SPCS3: variants seen among roughly 807,000 people sequenced by gnomAD.
SPCS3 encodes SPase 22 kDa subunit.
Under a neutral mutation model 17.2 loss-of-function variants are expected in SPCS3, and 9 were observed. That is an observed-to-expected ratio of 0.52 (90% CI 0.31 to 0.91). SPCS3 has a LOEUF of 0.91. SPCS3 is among the 40% of genes least tolerant of loss of function. The pLI is 0.04. For synonymous variants in SPCS3, 87 were observed against 89.6 expected (o/e 0.97, Z 0.16); for missense variants, 139 against 217.5 (o/e 0.64, Z 2.27).
intron 2 of SPCS3, among the ~76,000 whole-genome samples, chr4:176,322,770 A>G (rs1483612896): frequency 6.6e-6 from 1 of 152,150 alleles, no homozygotes; most frequent in Non-Finnish European, 1.5e-5. Context: ...AAGTCAGAAA[A>G]TATTAACAAT....
chr4:176,324,137 GTGAT>G (rs1731572856), intron 2 of SPCS3, 40 bp from the exon 3 acceptor site: 1 of 953,904 alleles, frequency 1.0e-6, no homozygotes, highest in African/African-American at 1.7e-5. Context: ...CTATTTAAAA[GTGAT>G]ATACTGCTCA....
intron 3 of SPCS3, among the ~76,000 whole-genome samples, chr4:176,326,283 A>G (rs1202792139): frequency 6.6e-6 from 1 of 152,138 alleles, no homozygotes; most frequent in African/African-American, 2.4e-5. Context: ...CCTGGTTGAC[A>G]GAGCAAGACT....
rs1349520075 is a variant in SPCS3 at position 176,328,187 on chromosome 4, T to G, written c.411-11T>G. 6.2e-7 allele frequency: 1 copy of G among 1,609,796 alleles called. No homozygotes were observed. Among genetic ancestry groups the G allele is most frequent in the South Asian group, 1.1e-5 (1 of 89,968 alleles). On this transcript the variant is annotated splice_polypyrimidine_tract_variant and intron_variant, in intron 4 of 4. Coordinates refer to ENST00000503362, the MANE Select transcript of SPCS3 (RefSeq NM_021928.4). ...TCTCTGATGACTTGTGTTTATTATA[T>G]CTTTTTATAGGGGAAACAGGAATGT...
At chr4:176,326,515 A>G (rs1560838263) in intron 3 of SPCS3, among the ~76,000 whole-genome samples, 1 of 152,204 alleles carries the variant, frequency 6.6e-6, no homozygotes, top group Admixed American at 6.5e-5. Flanking sequence ...GAGTAGCTTA[A>G]AAGAATTGTC....
intron 3 of SPCS3, among the ~76,000 whole-genome samples, chr4:176,326,199 G>T (rs564807703): frequency 2.5e-3 from 387 of 152,126 alleles, no homozygotes; most frequent in African/African-American, 8.3e-3. Context: ...TACTTGGGAG[G>T]CTGAGGCAGG....
intron 1 of SPCS3, 81 bp downstream of exon 1, chr4:176,320,300 T>TGCCGTGCCGGGGCC (rs1219231606): frequency 1.6e-6 from 2 of 1,224,930 alleles, no homozygotes; most frequent in Admixed American, 4.4e-5. Flanking sequence ...GCGCCGGGGC[T>TGCCGTGCCGGGGCC]GCCGTGCCGG....
At chr4:176,324,293 T>C in intron 3 of SPCS3, 36 bp downstream of exon 3, 3 of 932,932 alleles carry the variant, frequency 3.2e-6, no homozygotes, top group South Asian at 2.0e-5. Flanking sequence ...TTAATAGCTA[T>C]TTAAAGTCTT....
At chr4:176,323,952 G>A (rs1731570887) in intron 2 of SPCS3, among the ~76,000 whole-genome samples, 1 of 151,890 alleles carries the variant, frequency 6.6e-6, no homozygotes, top group South Asian at 2.1e-4. Context: ...GAGGAGTATG[G>A]GAGGATGCCA....
Position 176,327,163 on chromosome 4 carries a change from C to G in SPCS3, c.296C>G (p.Ala99Gly). The change falls in exon 4 of 5, where the codon GCT becomes GGT. Residue 99 changes from alanine (A) to glycine (G), a missense_variant and splice_region_variant. Transcript: ENST00000503362. ...TAATTAATTTTCATTTTAATATAGGCTCTGAACCAAGTTGTCCTATGGGAC... is the reference window on the plus strand; with the variant it reads ...TAATTAATTTTCATTTTAATATAGGGTCTGAACCAAGTTGTCCTATGGGAC... Reference protein sequence around the residue: ...LSAEYSTKNNALNQVVLWDKI... With the variant: ...LSAEYSTKNNGLNQVVLWDKI... 6.4e-7 allele frequency: 1 copy of G among 1,555,258 alleles called. No individual in the cohort carries two copies. The highest frequency in any genetic ancestry group is 8.7e-7 in the Non-Finnish European group (1 of 1,149,280).
rs1467687734 is a variant in SPCS3, at chr4:176,331,763, A to G, written c.*3433A>G. On this transcript the variant is annotated 3_prime_UTR_variant, in exon 5 of 5. Transcript: ENST00000503362. The stretch of plus-strand genomic sequence containing the variant: ...GCCACCACGTCCGGCTAATTTTTGT[A>G]TTTTCAGTAGAGACGGGGTTTTGCT... The G allele has an allele frequency of 6.6e-6, 1 of 151,880 alleles. No homozygotes were observed. The highest frequency in any genetic ancestry group is 1.5e-5 in the Non-Finnish European group (1 of 68,048). The allele number at this position is 151,880 out of a possible 1,614,324, so 9.4% of individuals were successfully genotyped here.
chr4:176,328,160 T>C, intron 4 of SPCS3, 38 bp from the exon 5 acceptor site: 1 of 1,601,252 alleles, frequency 6.2e-7, no homozygotes, highest in Admixed American at 1.8e-5. Flanking sequence ...GAACTACTAG[T>C]GTCTCTGATG....
rs1352029519 is a variant in SPCS3 at position 176,328,533 on chromosome 4, A to G, written c.*203A>G. On this transcript the variant is annotated 3_prime_UTR_variant, in exon 5 of 5. Coordinates refer to ENST00000503362, the MANE Select transcript of SPCS3 (RefSeq NM_021928.4). ...ACTTAATATTATGAACAAAACAAAAAAACAAGGCTGCCACAGTGGAATATT... is the reference window on the plus strand; with the variant it reads ...ACTTAATATTATGAACAAAACAAAAGAACAAGGCTGCCACAGTGGAATATT... 3.2e-6 allele frequency: 1 copy of G among 312,806 alleles called. No homozygotes were observed. The highest frequency in any genetic ancestry group is 2.2e-5 in the African/African-American group (1 of 46,222). The allele number at this position is 312,806 out of a possible 1,614,324, so 19.4% of individuals were successfully genotyped here. A position where few individuals can be genotyped will look rare whatever the true frequency, so the allele number is the denominator to read the frequency against.
chr4:176,326,274 C>A (rs1005905873), intron 3 of SPCS3, among the ~76,000 whole-genome samples: 1 of 151,906 alleles, frequency 6.6e-6, no homozygotes, highest in Non-Finnish European at 1.5e-5. Flanking sequence ...GTACTCCACC[C>A]TGGTTGACAG....
rs565642075 is a variant in SPCS3 at position 176,328,515 on chromosome 4, A to G, written c.*185A>G. 5.7e-4 allele frequency: 205 copies of G among 359,238 alleles called. 6 individuals carry two copies. The South Asian group carries it at 0.011, about 20-fold the overall frequency. 22.3% of individuals were successfully genotyped at this position (359,238 alleles called of 1,614,324 possible). On this transcript the variant is annotated 3_prime_UTR_variant, in exon 5 of 5. Transcript: ENST00000503362. ...GGGAAAGGTTAATGGGCTACTTAAT[A>G]TTATGAACAAAACAAAAAAACAAGG...
Position 176,322,157 on chromosome 4 carries a change from T to C in SPCS3, c.144-13T>C. ...TGTTGGAAGGATGGTAAAACTTTTA[T>C]CTTTATTCCTAGAAAAAATGTAGAA... On this transcript the variant is annotated splice_polypyrimidine_tract_variant and intron_variant, in intron 1 of 4. Coordinates refer to ENST00000503362, the MANE Select transcript of SPCS3 (RefSeq NM_021928.4). 1 of 1,560,926 alleles carries C rather than the reference T, an allele frequency of 6.4e-7. No homozygotes were observed. The highest frequency in any genetic ancestry group is 1.4e-5 in the African/African-American group (1 of 73,676).
At position 176,325,927 on chromosome 4, in the gene SPCS3, TAGTTTTAA is replaced by T. The variant is rs1282285270; in HGVS notation, c.295-1234_295-1227del. ...CTAATAACTTTCAATCATAAACTAA[TAGTTTTAA>T]TAGGTTTTGATATAATGGTTTAATA... On this transcript the variant is annotated intron_variant, in intron 3 of 4. Transcript: ENST00000503362. Among the ~76,000 whole-genome samples, 6 of 152,268 alleles carry T rather than the reference TAGTTTTAA, an allele frequency of 3.9e-5. No individual in the cohort carries two copies. In the East Asian group the frequency reaches 1.2e-3, roughly 29 times the overall value.
At chr4:176,323,902 C>G (rs968248383) in intron 2 of SPCS3, among the ~76,000 whole-genome samples, 1 of 138,446 alleles carries the variant, frequency 7.2e-6, no homozygotes. Flanking sequence ...TGGATTTGTT[C>G]TTTTCTTACT....
In SPCS3 at chr4:176,321,970, A is replaced by G. The variant is rs541969086; in HGVS notation, c.144-200A>G. The G allele has an allele frequency of 2.3e-5, 10 of 426,618 alleles. No individual in the cohort carries two copies. In the South Asian group the frequency reaches 3.7e-4, roughly 16 times the overall value. The allele number at this position is 426,618 out of a possible 1,614,324, so 26.4% of individuals were successfully genotyped here. On this transcript the variant is annotated intron_variant, in intron 1 of 4. Transcript: ENST00000503362. The stretch of plus-strand genomic sequence containing the variant: ...TAGGGATTCTCTTGAGGTATATGCA[A>G]TTAGCTGAAGACCTACTTTAATATT...
intron 1 of SPCS3, chr4:176,321,884 T>C (rs899189707): frequency 4.6e-6 from 1 of 219,494 alleles, no homozygotes; most frequent in Non-Finnish European, 9.0e-6. Context: ...TTCTGCAAAA[T>C]TGCTTTACAT....
Sources: gnomAD v4.1 joint callset for allele counts (sites outside exome capture counted in the v4.1 genomes callset) on GRCh38, gnomAD v4.1.1 for gene constraint, MANE v1.5 for transcripts, NCBI Gene and HGNC (gene_info 2026-07-23, HGNC 2026-07-21) for gene names.